The following APBA1 variants were observed in gnomAD, a reference collection of about 807,000 sequenced individuals.
APBA1 encodes the protein amyloid beta precursor protein binding family A member 1.
In APBA1, 55 loss-of-function variants were observed where a neutral mutation model predicts 86.6. The ratio of observed to expected loss-of-function variants is 0.64; its 90% CI spans 0.51 to 0.80. APBA1 has a LOEUF of 0.80. Ranked by LOEUF, APBA1 falls within the 30% of genes least tolerant of loss-of-function variation. The pLI is 0.00. For synonymous variants in APBA1, 511 were observed against 493.9 expected, an observed-to-expected ratio of 1.03 and a Z score of -0.46; for missense variants, 1,090 against 1,183.0, an observed-to-expected ratio of 0.92 and a Z score of 1.15.
In APBA1 at chr9:69,662,021, A is replaced by AACAC. The variant is rs3069250; in HGVS notation, c.-70+10128_-70+10131dup. 9.5e-3 allele frequency among the ~76,000 whole-genome samples: 1,391 copies of AACAC among 146,742 alleles called. 9 individuals are homozygous for AACAC. The highest frequency in any genetic ancestry group is 0.014 in the Admixed American group (208 of 14,658). The stretch of plus-strand genomic sequence containing the variant: ...CACTGAATGGACTAAGACAAACAGT[A>AACAC]ACACACACACACACACACACACACA... On this transcript the variant is annotated intron_variant, in intron 1 of 12. Coordinates refer to ENST00000265381, the MANE Select transcript of APBA1 (RefSeq NM_001163.4).
chr9:69,663,334 G>A (rs1236027887), intron 1 of APBA1, among the ~76,000 whole-genome samples: 1 of 152,216 alleles, frequency 6.6e-6, no homozygotes, highest in Admixed American at 6.5e-5. Flanking sequence ...CAGGAATCAT[G>A]GCCAAAAGTG....
chr9:69,574,745 A>G (rs925863102), intron 1 of APBA1, among the ~76,000 whole-genome samples: 3 of 152,192 alleles, frequency 2.0e-5, no homozygotes, highest in Admixed American at 2.0e-4. Context: ...CAAAACAAGC[A>G]AAAATACTGC....
At chr9:69,469,525 C>T (rs913930910) in intron 4 of APBA1, among the ~76,000 whole-genome samples, 1 of 152,146 alleles carries the variant, frequency 6.6e-6, no homozygotes, top group Non-Finnish European at 1.5e-5. Flanking sequence ...TCTTATTCTC[C>T]ATTTTTATAA....
chr9:69,469,367 T>C (rs1393795338), intron 4 of APBA1, among the ~76,000 whole-genome samples: 3 of 152,236 alleles, frequency 2.0e-5, no homozygotes, highest in Admixed American at 2.0e-4. Flanking sequence ...CTTCCTGTGC[T>C]GAACTACTTA....
intron 1 of APBA1, among the ~76,000 whole-genome samples, chr9:69,670,052 A>G (rs1823918033): frequency 1.3e-5 from 2 of 152,208 alleles, no homozygotes; most frequent in South Asian, 2.1e-4. Flanking sequence ...CAAATAAGAG[A>G]GTAAAGAACT....
At chr9:69,459,285 C>A (rs1384578717) in intron 5 of APBA1, among the ~76,000 whole-genome samples, 1 of 152,312 alleles carries the variant, frequency 6.6e-6, no homozygotes, top group East Asian at 1.9e-4. Context: ...GGACAGTGTT[C>A]AATCAATGAC....
chr9:69,565,902 C>T (rs982847545), intron 1 of APBA1, among the ~76,000 whole-genome samples: 3 of 152,214 alleles, frequency 2.0e-5, no homozygotes, highest in Admixed American at 6.5e-5. Flanking sequence ...CTGTTTAGAA[C>T]GCTTTGATGG....
chr9:69,431,330 G>T lies in APBA1; in HGVS notation c.2511C>A (p.Ile837=). The change falls in exon 13 of 13, where the codon ATC becomes ATA. Residue 837 remains isoleucine, a synonymous_variant. Coordinates refer to ENST00000265381, the MANE Select transcript of APBA1 (RefSeq NM_001163.4). ...ATGCCACCGCGTGTGGCCGCGGTCA[G>T]ATGTAAACAGGCTGCTCCTGGGCCG... ...LLTAQEQPVY[I] 4 of 1,610,172 alleles carry T rather than the reference G, an allele frequency of 2.5e-6. No homozygotes were observed. The highest frequency in any genetic ancestry group is 3.4e-6 in the Non-Finnish European group (4 of 1,178,396).
At chr9:69,457,203 A>T in intron 6 of APBA1, 64 bp from the exon 7 acceptor site, 1 of 1,284,932 alleles carries the variant, frequency 7.8e-7, no homozygotes, top group African/African-American at 1.5e-5. Context: ...ATGCAGAAGG[A>T]GTAAGGTTAG....
At chr9:69,621,008 A>T (rs4744573) in intron 1 of APBA1, among the ~76,000 whole-genome samples, 9 of 152,208 alleles carry the variant, frequency 5.9e-5, no homozygotes, top group Admixed American at 1.3e-4. Context: ...GCTCTGCCTT[A>T]TATTAACTGT....
intron 2 of APBA1, among the ~76,000 whole-genome samples, chr9:69,504,093 G>T (rs911185913): frequency 2.0e-5 from 3 of 152,046 alleles, no homozygotes; most frequent in Admixed American, 2.0e-4. Flanking sequence ...TATTGCTTGT[G>T]AAAAGTCCAA....
In APBA1 at chr9:69,467,833, C is replaced by T. The variant is rs781402914; in HGVS notation, c.1472G>A (p.Ser491Asn). The change falls in exon 5 of 13, where the codon AGC becomes AAC. Residue 491 changes from serine to asparagine, a missense_variant. Around this residue, in one of 6 missense-constraint regions of APBA1, gnomAD observed 76 missense variants for 122.2 expected, o/e 0.62. Coordinates refer to ENST00000265381, the MANE Select transcript of APBA1 (RefSeq NM_001163.4). ...VRMMQAQEAVSRIKMAQKLAK... is the reference protein window; with the variant it reads ...VRMMQAQEAVNRIKMAQKLAK... ...CCCAGATGTCCTCACCTTGATCCTG[C>T]TTACGGCTTCCTGGGCCTGCATCAT... is the stretch of plus-strand genomic sequence containing the variant. 1.9e-6 allele frequency: 3 copies of T among 1,614,206 alleles called. No individual in the cohort carries two copies. The highest frequency in any genetic ancestry group is 2.5e-6 in the Non-Finnish European group (3 of 1,180,026).
intron 1 of APBA1, among the ~76,000 whole-genome samples, chr9:69,545,519 G>C (rs936988921): frequency 4.6e-5 from 7 of 152,208 alleles, no homozygotes; most frequent in African/African-American, 1.7e-4. Flanking sequence ...GATCACATCA[G>C]GCAGGGAGAC....
chr9:69,635,815 A>C (rs1823146398), intron 1 of APBA1, among the ~76,000 whole-genome samples: 1 of 152,192 alleles, frequency 6.6e-6, no homozygotes, highest in South Asian at 2.1e-4. Flanking sequence ...ATATATATGC[A>C]CCCAACACTG....
At chr9:69,555,958 T>G (rs1219399263) in intron 1 of APBA1, among the ~76,000 whole-genome samples, 2 of 152,194 alleles carry the variant, frequency 1.3e-5, no homozygotes, top group Non-Finnish European at 2.9e-5. Flanking sequence ...GGTGCCTGTT[T>G]TAATCTAAAC....
chr9:69,604,746 A>G (rs1015102576), intron 1 of APBA1, among the ~76,000 whole-genome samples: 1 of 143,026 alleles, frequency 7.0e-6, no homozygotes. Flanking sequence ...ACACATGCAC[A>G]CACATGAGGG....
At chr9:69,584,967 A>C (rs1299673591) in intron 1 of APBA1, among the ~76,000 whole-genome samples, 3 of 152,178 alleles carry the variant, frequency 2.0e-5, no homozygotes, top group African/African-American at 7.2e-5. Flanking sequence ...CTGTGGACAG[A>C]TTAGAGCCAG....
chr9:69,504,297 T>C (rs1384192006), intron 2 of APBA1, among the ~76,000 whole-genome samples: 3 of 152,090 alleles, frequency 2.0e-5, no homozygotes, highest in Non-Finnish European at 4.4e-5. Context: ...TAATTTCCCC[T>C]TCTGTTTTAT....
At chr9:69,453,121 T>C (rs966041619) in intron 8 of APBA1, among the ~76,000 whole-genome samples, 2 of 152,364 alleles carry the variant, frequency 1.3e-5, no homozygotes, top group East Asian at 3.9e-4. Context: ...AATATGGTTT[T>C]ATTTTAGTTT....
Sources: allele counts gnomAD v4.1 joint callset (sites outside exome capture counted in the v4.1 genomes callset), GRCh38; gene constraint gnomAD v4.1.1; regional missense constraint gnomAD v4.1.1; transcripts MANE v1.5; gene names NCBI Gene and HGNC (gene_info 2026-07-23, HGNC 2026-07-21).